SLIT2: variants seen among roughly 807,000 people sequenced by gnomAD.
The protein encoded by SLIT2 is slit homolog 2 protein.
A neutral mutation model predicts 185.7 loss-of-function variants in SLIT2; 41 were observed. The ratio of observed to expected loss-of-function variants is 0.22; its 90% CI spans 0.17 to 0.29. The LOEUF is 0.29. Ranked by LOEUF, SLIT2 falls within the 10% of genes least tolerant of loss-of-function variation. SLIT2 has a pLI of 1.00. For missense variants in SLIT2, 1,571 were observed against 1,909.0 expected (o/e 0.82, Z 3.30); for synonymous variants, 693 against 680.2 (o/e 1.02, Z -0.29).
At chr4:20,440,496 T>C (rs1275892062) in intron 4 of SLIT2, among the ~76,000 whole-genome samples, 1 of 152,112 alleles carries the variant, frequency 6.6e-6, no homozygotes, top group Non-Finnish European at 1.5e-5. Flanking sequence ...AATAGCACAG[T>C]ATATTCTGAA....
intron 9 of SLIT2, among the ~76,000 whole-genome samples, chr4:20,504,884 G>A (rs1050851155): frequency 3.3e-5 from 5 of 151,774 alleles, no homozygotes; most frequent in African/African-American, 1.2e-4. Flanking sequence ...ATAGTATATT[G>A]TAATAATTGT....
intron 4 of SLIT2, among the ~76,000 whole-genome samples, chr4:20,294,291 C>T (rs1260154257): frequency 6.6e-6 from 1 of 151,082 alleles, no homozygotes; most frequent in Non-Finnish European, 1.5e-5. Flanking sequence ...AGAGGTTGCA[C>T]TGAGCCAAGA....
At chr4:20,508,012 A>G (rs1719361328) in intron 9 of SLIT2, among the ~76,000 whole-genome samples, 1 of 152,048 alleles carries the variant, frequency 6.6e-6, no homozygotes, top group Admixed American at 6.6e-5. Flanking sequence ...GTCAATCAAA[A>G]CATTCTAATC....
At chr4:20,618,363 G>C (rs1402053515) in intron 36 of SLIT2, among the ~76,000 whole-genome samples, 2 of 152,150 alleles carry the variant, frequency 1.3e-5, no homozygotes, top group Non-Finnish European at 2.9e-5. Context: ...CTTGTATTAA[G>C]TAACAGATTG....
rs999997140 is a variant in SLIT2, at chr4:20,619,677, TAAAG to T, written c.*671_*674del. 5 of 152,120 alleles carry T rather than the reference TAAAG, an allele frequency of 3.3e-5. No individual in the cohort carries two copies. Among genetic ancestry groups the T allele is most frequent in the Admixed American group, 1.3e-4 (2 of 15,268 alleles). The allele number at this position is 152,120 out of a possible 1,614,324, so 9.4% of individuals were successfully genotyped here. A position where few individuals can be genotyped will look rare whatever the true frequency, so the allele number is the denominator to read the frequency against. On this transcript the variant is annotated 3_prime_UTR_variant, in exon 37 of 37. Coordinates refer to ENST00000504154, the MANE Select transcript of SLIT2 (RefSeq NM_004787.4). Reference sequence around the variant, plus strand: ...GTAATATAAATGATAAAGGAGATGATAAAGAACCAATAGATTATTGATAAATAAA... The same window carrying T: ...GTAATATAAATGATAAAGGAGATGATAACCAATAGATTATTGATAAATAAA...
At chr4:20,533,178 G>T (rs1213978768) in intron 17 of SLIT2, among the ~76,000 whole-genome samples, 1 of 152,126 alleles carries the variant, frequency 6.6e-6, no homozygotes, top group East Asian at 1.9e-4. Context: ...ACACATTTTA[G>T]CCCATCTATC....
chr4:20,569,811 T>C (rs1312186452), intron 29 of SLIT2, among the ~76,000 whole-genome samples: 1 of 152,118 alleles, frequency 6.6e-6, no homozygotes, highest in African/African-American at 2.4e-5. Context: ...AAAGTTGCCG[T>C]TTTCATTTTC....
intron 9 of SLIT2, among the ~76,000 whole-genome samples, chr4:20,497,013 T>A (rs906283654): frequency 6.6e-6 from 1 of 152,108 alleles, no homozygotes; most frequent in Non-Finnish European, 1.5e-5. Flanking sequence ...ATTCATTAAA[T>A]TTCCCTGTTC....
chr4:20,349,936 T>C (rs1458044384), intron 4 of SLIT2, among the ~76,000 whole-genome samples: 3 of 152,218 alleles, frequency 2.0e-5, no homozygotes, highest in African/African-American at 7.2e-5. Context: ...CAATGCACTG[T>C]TTTATTTTTT....
intron 4 of SLIT2, among the ~76,000 whole-genome samples, chr4:20,448,632 T>C (rs1473545278): frequency 4.6e-5 from 7 of 151,924 alleles, no homozygotes; most frequent in East Asian, 3.9e-4. Flanking sequence ...CAAAGTATTA[T>C]TATTATTTAT....
intron 3 of SLIT2, among the ~76,000 whole-genome samples, chr4:20,267,114 T>C (rs1416826265): frequency 1.3e-5 from 2 of 151,912 alleles, no homozygotes; most frequent in Non-Finnish European, 2.9e-5. Context: ...CTGTTGCAAA[T>C]ATGTGTAATA....
chr4:20,553,144 T>C (rs1345910139), intron 25 of SLIT2, among the ~76,000 whole-genome samples: 1 of 152,194 alleles, frequency 6.6e-6, no homozygotes, highest in Non-Finnish European at 1.5e-5. Flanking sequence ...ACATCTTCAG[T>C]ATTTTATGTT....
At chr4:20,442,618 A>G (rs551036068) in intron 4 of SLIT2, among the ~76,000 whole-genome samples, 33 of 151,996 alleles carry the variant, frequency 2.2e-4, no homozygotes, top group African/African-American at 7.7e-4. Flanking sequence ...GAAAGGAGCG[A>G]ATTGTAGACT....
chr4:20,313,296 G>C (rs977201763), intron 4 of SLIT2, among the ~76,000 whole-genome samples: 3 of 152,162 alleles, frequency 2.0e-5, no homozygotes, highest in African/African-American at 4.8e-5. Context: ...GGCAAAGCTG[G>C]AGCAGGCACA....
At chr4:20,377,801 C>T (rs748848406) in intron 4 of SLIT2, among the ~76,000 whole-genome samples, 34 of 152,236 alleles carry the variant, frequency 2.2e-4, no homozygotes, top group Non-Finnish European at 3.8e-4. Flanking sequence ...CCCCTTAGTC[C>T]TGCCCATATC....
At chr4:20,264,972 C>T (rs1169126145) in intron 3 of SLIT2, among the ~76,000 whole-genome samples, 2 of 151,910 alleles carry the variant, frequency 1.3e-5, no homozygotes, top group Admixed American at 6.6e-5. Flanking sequence ...TCTGTGCTCT[C>T]AACAATGATA....
At chr4:20,468,578 A>C (rs1714621688) in intron 5 of SLIT2, among the ~76,000 whole-genome samples, 1 of 152,150 alleles carries the variant, frequency 6.6e-6, no homozygotes, top group South Asian at 2.1e-4. Flanking sequence ...TATCAGATTT[A>C]AGATCTCAGT....
At chr4:20,511,872 A>G (rs1719788614) in intron 11 of SLIT2, among the ~76,000 whole-genome samples, 2 of 151,710 alleles carry the variant, frequency 1.3e-5, no homozygotes, top group Non-Finnish European at 2.9e-5. Context: ...GGAAACCTCC[A>G]CTCTTTTTCA....
At chr4:20,363,916 T>G (rs1249761667) in intron 4 of SLIT2, among the ~76,000 whole-genome samples, 1 of 152,154 alleles carries the variant, frequency 6.6e-6, no homozygotes, top group Non-Finnish European at 1.5e-5. Flanking sequence ...GTGGGATGTG[T>G]AGAAAAACTG....
Sources: allele counts gnomAD v4.1 joint callset (sites outside exome capture counted in the v4.1 genomes callset), GRCh38; gene constraint gnomAD v4.1.1; transcripts MANE v1.5; gene names NCBI Gene and HGNC (gene_info 2026-07-23, HGNC 2026-07-21).